Variants in SLC26A7 observed in about 807,000 individuals in gnomAD.
SLC26A7 encodes the protein solute carrier family 26 member 7.
Under a neutral mutation model 82.5 loss-of-function variants are expected in SLC26A7, and 59 were observed. The ratio of observed to expected loss-of-function variants is 0.72; its 90% CI spans 0.58 to 0.89. The LOEUF is 0.89. Ranked by LOEUF, SLC26A7 falls within the 40% of genes least tolerant of loss-of-function variation. The pLI is 0.00. For synonymous variants in SLC26A7, 271 were observed against 274.3 expected, an observed-to-expected ratio of 0.99 and a Z score of 0.12; for missense variants, 820 against 793.0, an observed-to-expected ratio of 1.03 and a Z score of -0.41.
At chr8:91,266,967 A>G (rs1211823050) in intron 2 of SLC26A7, among the ~76,000 whole-genome samples, 2 of 151,928 alleles carry the variant, frequency 1.3e-5, no homozygotes, top group Admixed American at 6.6e-5. Context: ...AATTTTATCA[A>G]ATACTTTTTC....
At chr8:91,371,788 C>T (rs1247664798) in intron 15 of SLC26A7, among the ~76,000 whole-genome samples, 1 of 151,774 alleles carries the variant, frequency 6.6e-6, no homozygotes, top group Admixed American at 6.6e-5. Flanking sequence ...ATTTTTAGTT[C>T]TTTGAGAAAT....
chr8:91,394,856 T>C (rs1217535351), intron 18 of SLC26A7: 2 of 783,562 alleles, frequency 2.6e-6, no homozygotes, highest in Non-Finnish European at 3.8e-6. Context: ...AATTACACCA[T>C]CTGTAAGTGG....
At chr8:91,277,048 C>T (rs1162680695) in intron 2 of SLC26A7, among the ~76,000 whole-genome samples, 2 of 152,224 alleles carry the variant, frequency 1.3e-5, no homozygotes, top group Non-Finnish European at 2.9e-5. Flanking sequence ...AATGAGCCCT[C>T]TTTTCCCTTG....
chr8:91,305,970 A>G (rs1356300279), intron 4 of SLC26A7, among the ~76,000 whole-genome samples: 1 of 152,298 alleles, frequency 6.6e-6, no homozygotes, highest in East Asian at 1.9e-4. Context: ...TCTTGGCAAG[A>G]TCAGATGTTT....
At chr8:91,360,365 A>G (rs528512060) in intron 11 of SLC26A7, among the ~76,000 whole-genome samples, 1 of 152,248 alleles carries the variant, frequency 6.6e-6, no homozygotes, top group East Asian at 1.9e-4. Context: ...CACATAACAA[A>G]AAATAAAAAA....
chr8:91,265,254 G>T (rs1811079898), intron 2 of SLC26A7, among the ~76,000 whole-genome samples: 1 of 151,910 alleles, frequency 6.6e-6, no homozygotes, highest in Non-Finnish European at 1.5e-5. Context: ...GAATTCCATG[G>T]TTTATACTGC....
At chr8:91,261,607 G>A (rs1026429813) in intron 2 of SLC26A7, among the ~76,000 whole-genome samples, 1 of 152,054 alleles carries the variant, frequency 6.6e-6, no homozygotes, top group South Asian at 2.1e-4. Context: ...GTCTTAAAAA[G>A]CTATCAAGGT....
In SLC26A7 at chr8:91,241,710, G is replaced by GA. The variant is rs535229450; in HGVS notation, c.-33-7904dup. On this transcript the variant is annotated intron_variant, in intron 2 of 5. Coordinates refer to the SLC26A7 transcript ENST00000522862. ...TTTCTATGGACACAATAATTGTCTT[G>GA]AAAAACATTCTTTGTTGCAAGGAAG... Among the ~76,000 whole-genome samples, 423 of 152,154 alleles carry GA rather than the reference G, an allele frequency of 2.8e-3. 6 individuals are homozygous for GA. The highest frequency in any genetic ancestry group is 9.6e-3 in the African/African-American group (400 of 41,524).
At chr8:91,344,060 T>G in intron 9 of SLC26A7, 1 of 985,050 alleles carries the variant, frequency 1.0e-6, no homozygotes, top group Non-Finnish European at 1.2e-6. Flanking sequence ...ATGATGAAGA[T>G]GTTGCTATTG....
upstream of SLC26A7, among the ~76,000 whole-genome samples, chr8:91,245,312 G>C (rs1490659211): frequency 6.6e-6 from 1 of 152,182 alleles, no homozygotes; most frequent in African/African-American, 2.4e-5. Flanking sequence ...TATTTTTCTA[G>C]GCCTTTTAAT....
At chr8:91,215,158 C>T (rs1810019719) in intron 1 of SLC26A7, among the ~76,000 whole-genome samples, 1 of 151,958 alleles carries the variant, frequency 6.6e-6, no homozygotes, top group Admixed American at 6.6e-5. Flanking sequence ...TTGCAATGTC[C>T]CTTTTGCTAT....
rs565194222 is a variant in SLC26A7, at chr8:91,228,720, T to C, written c.-34+9715T>C. On this transcript the variant is annotated intron_variant, in intron 2 of 5. Transcript: ENST00000522862. ...AATTAGAAAAAGCCTCCAGTCACTTTAATTATAACTAAAGCCTGTGATTTC... is the reference window on the plus strand; with the variant it reads ...AATTAGAAAAAGCCTCCAGTCACTTCAATTATAACTAAAGCCTGTGATTTC... Among the ~76,000 whole-genome samples, 6 of 152,312 alleles carry C rather than the reference T, an allele frequency of 3.9e-5. No homozygotes were observed. In the East Asian group the frequency reaches 9.7e-4, roughly 25 times the overall value.
chr8:91,274,802 A>G (rs1008456816), intron 2 of SLC26A7, among the ~76,000 whole-genome samples: 6 of 152,226 alleles, frequency 3.9e-5, no homozygotes, highest in Admixed American at 1.3e-4. Flanking sequence ...TTATACTTCT[A>G]GATTTTAGCT....
chr8:91,266,704 C>T (rs1563651052), intron 2 of SLC26A7, among the ~76,000 whole-genome samples: 2 of 151,816 alleles, frequency 1.3e-5, no homozygotes. Flanking sequence ...AATTTGACTC[C>T]CTCCTTTCCA....
At chr8:91,393,171 A>G (rs1808456449) in intron 16 of SLC26A7, among the ~76,000 whole-genome samples, 2 of 152,166 alleles carry the variant, frequency 1.3e-5, no homozygotes, top group African/African-American at 4.8e-5. Flanking sequence ...AAGTTCATAG[A>G]CTGACTTTGA....
chr8:91,388,927 C>T (rs958123462), intron 15 of SLC26A7, among the ~76,000 whole-genome samples: 2 of 152,122 alleles, frequency 1.3e-5, no homozygotes, highest in East Asian at 1.9e-4. Flanking sequence ...GGCTCTACTC[C>T]GGGCATACCT....
intron 3 of SLC26A7, among the ~76,000 whole-genome samples, chr8:91,294,606 A>T (rs1042015856): frequency 1.3e-5 from 2 of 152,180 alleles, no homozygotes; most frequent in Non-Finnish European, 2.9e-5. Context: ...ATGAGAGCAA[A>T]TGTTTGCACA....
chr8:91,378,350 C>A (rs1199586364), intron 15 of SLC26A7, among the ~76,000 whole-genome samples: 6 of 144,436 alleles, frequency 4.2e-5, no homozygotes, highest in South Asian at 2.1e-4. Context: ...TATATAATTA[C>A]ATTATAATGT....
At chr8:91,278,202 G>T (rs780756272) in intron 2 of SLC26A7, among the ~76,000 whole-genome samples, 19 of 151,610 alleles carry the variant, frequency 1.3e-4, no homozygotes, top group Non-Finnish European at 2.5e-4. Context: ...CCCAGAGCAG[G>T]TGTCAACAGG....
Sources: gnomAD v4.1 joint callset for allele counts (sites outside exome capture counted in the v4.1 genomes callset) on GRCh38, gnomAD v4.1.1 for gene constraint, MANE v1.5 for transcripts, NCBI Gene and HGNC (gene_info 2026-07-23, HGNC 2026-07-21) for gene names.